Variants in CDH15 observed in about 807,000 individuals in gnomAD.
CDH15 encodes cadherin-15.
A neutral mutation model predicts 69.4 loss-of-function variants in CDH15; 73 were observed. The ratio of observed to expected loss-of-function variants is 1.05; its 90% CI spans 0.87 to 1.28. CDH15 has a LOEUF of 1.28. CDH15 is among the 50% of genes most tolerant of loss of function. CDH15 has a pLI of 0.00. For missense variants in CDH15, 1,343 were observed against 1,133.6 expected, an observed-to-expected ratio of 1.18 and a Z score of -2.65; for synonymous variants, 624 against 507.7, an observed-to-expected ratio of 1.23 and a Z score of -3.08.
chr16:89,174,565 C>G (rs1227342119), intron 1 of CDH15, among the ~76,000 whole-genome samples: 1 of 152,146 alleles, frequency 6.6e-6, no homozygotes, highest in Admixed American at 6.5e-5. Flanking sequence ...CACAGCAGCC[C>G]CTTGGGGTTG....
At chr16:89,173,543 A>T (rs1915200319) in intron 1 of CDH15, among the ~76,000 whole-genome samples, 1 of 152,066 alleles carries the variant, frequency 6.6e-6, no homozygotes, top group South Asian at 2.1e-4. Flanking sequence ...TGGCAAGGGG[A>T]CTATCGCCAA....
intron 13 of CDH15, 57 bp downstream of exon 13, chr16:89,193,970 ATGCACATGTACACACC>A: frequency 6.4e-7 from 1 of 1,560,682 alleles, no homozygotes; most frequent in Non-Finnish European, 8.8e-7. Flanking sequence ...GCACACACAC[ATGCACATGTACACACC>A]TGCACATGCA....
intron 11 of CDH15, 120 bp from the exon 12 acceptor site, chr16:89,193,350 A>ACCC: frequency 3.9e-6 from 2 of 513,416 alleles, no homozygotes. Context: ...CGCCCCCTCA[A>ACCC]CCCCACCCCT....
intron 3 of CDH15, among the ~76,000 whole-genome samples, chr16:89,180,600 G>A (rs1030568767): frequency 3.9e-5 from 6 of 152,252 alleles, no homozygotes; most frequent in South Asian, 4.1e-4. Context: ...CCGTGGAGGA[G>A]CGGCTTGGTT....
At chr16:89,180,420 C>T (rs1174480620) in intron 3 of CDH15, 65 bp downstream of exon 3, 8 of 1,547,360 alleles carry the variant, frequency 5.2e-6, no homozygotes, top group Non-Finnish European at 6.2e-6. Flanking sequence ...AGTGCCCCTC[C>T]TCCCCACCAG....
rs1008648787 is a variant in CDH15, at chr16:89,191,745, G to A, written c.1466G>A (p.Gly489Asp). The A allele has an allele frequency of 1.2e-6, 2 of 1,604,488 alleles. No individual in the cohort carries two copies. The highest frequency in any genetic ancestry group is 1.7e-6 in the Non-Finnish European group (2 of 1,179,272). The change falls in exon 10 of 14, where the codon GGC becomes GAC. Residue 489 changes from glycine to aspartate, a missense_variant. Gly to Asp is a moderately conservative substitution (Grantham distance 94). Transcript: ENST00000289746. ...HAPVLAPPPP[G>D]SLCSEPHQGP... ...CCTGTGCTGGCCCCGCCGCCGCCGG[G>A]CAGCCTGTGCAGCGAGCCACACCAA...
rs577868281 is a variant in CDH15, at chr16:89,179,323, C to T, written c.43-93C>T. Reference sequence around the variant, plus strand: ...GTGGGCTGAGGGAAACACTGCGCCCCGTGGCCTCCTCACCACCCACAGCTC... The same window carrying T: ...GTGGGCTGAGGGAAACACTGCGCCCTGTGGCCTCCTCACCACCCACAGCTC... On this transcript the variant is annotated intron_variant, in intron 1 of 13. Coordinates refer to ENST00000289746, the MANE Select transcript of CDH15 (RefSeq NM_004933.3). The T allele has an allele frequency of 1.3e-3, 1,931 of 1,452,998 alleles. 3 individuals carry two copies. The highest frequency in any genetic ancestry group is 1.7e-3 in the Non-Finnish European group (1,766 of 1,042,486). 90.0% of individuals were successfully genotyped at this position (1,452,998 alleles called of 1,614,324 possible). A position where few individuals can be genotyped will look rare whatever the true frequency, so the allele number is the denominator to read the frequency against.
intron 5 of CDH15, chr16:89,186,116 T>A (rs1433862384): frequency 7.6e-6 from 1 of 131,922 alleles, no homozygotes; most frequent in Non-Finnish European, 1.6e-5. Context: ...CTGTAAAGGC[T>A]TACCCAGCGC....
chr16:89,194,028 G>A (rs1915728671), intron 13 of CDH15, 115 bp downstream of exon 13: 2 of 1,203,978 alleles, frequency 1.7e-6, no homozygotes, highest in South Asian at 1.3e-5. Context: ...GCACTTATGG[G>A]CCGTCCCAGA....
intron 11 of CDH15, 117 bp from the exon 12 acceptor site, chr16:89,193,353 C>CCCCCCCAG: frequency 1.7e-6 from 1 of 571,806 alleles, no homozygotes; most frequent in Non-Finnish European, 2.9e-6. Context: ...CCCCTCAACC[C>CCCCCCCAG]CACCCCTGCT....
intron 1 of CDH15, among the ~76,000 whole-genome samples, chr16:89,178,218 C>A (rs1915298430): frequency 6.6e-6 from 1 of 152,140 alleles, no homozygotes; most frequent in South Asian, 2.1e-4. Context: ...TTGGGGGCAG[C>A]CACCTCCACT....
chr16:89,179,333 T>C, intron 1 of CDH15, 83 bp from the exon 2 acceptor site: 1 of 1,546,722 alleles, frequency 6.5e-7, no homozygotes, highest in Non-Finnish European at 8.9e-7. Flanking sequence ...CGTGGCCTCC[T>C]CACCACCCAC....
intron 13 of CDH15, among the ~76,000 whole-genome samples, 186 bp from the exon 14 acceptor site, chr16:89,194,676 C>A (rs926113317): frequency 6.6e-6 from 1 of 152,186 alleles, no homozygotes; most frequent in Admixed American, 6.5e-5. Context: ...CCGTGGCACC[C>A]TCTTCACAAC....
intron 1 of CDH15, among the ~76,000 whole-genome samples, chr16:89,173,474 C>G (rs1268099808): frequency 6.6e-6 from 1 of 152,146 alleles, no homozygotes; most frequent in African/African-American, 2.4e-5. Context: ...GGCTGGGGGA[C>G]AATAACCCCC....
rs191741836 is a variant in CDH15 at position 89,172,646 on chromosome 16, G to T, written c.42+773G>T. ...GCAAGCCAGAGTGGAAGGAAGCCCA[G>T]GCCTCAGCCCCCCACACCCGACATG... is the stretch of plus-strand genomic sequence containing the variant. On this transcript the variant is annotated intron_variant, in intron 1 of 13. Coordinates refer to ENST00000289746, the MANE Select transcript of CDH15 (RefSeq NM_004933.3). Among the ~76,000 whole-genome samples the T allele has an allele frequency of 4.8e-3, 736 of 152,268 alleles. 7 individuals are homozygous for T. The highest frequency in any genetic ancestry group is 0.017 in the African/African-American group (688 of 41,562).
intron 10 of CDH15, 56 bp from the exon 11 acceptor site, chr16:89,192,149 A>T: frequency 6.8e-7 from 1 of 1,479,138 alleles, no homozygotes; most frequent in Non-Finnish European, 8.9e-7. Flanking sequence ...CGAGGAGGGC[A>T]GGCGAAGTGG....
At chr16:89,186,242 GC>G (rs1915483717) in intron 5 of CDH15, 1 of 80,318 alleles carries the variant, frequency 1.2e-5, no homozygotes, top group Non-Finnish European at 2.6e-5. Context: ...CTCTGTAAAC[GC>G]TCACCCAGTG....
chr16:89,191,269 G>T, intron 8 of CDH15, 61 bp from the exon 9 acceptor site: 1 of 1,606,260 alleles, frequency 6.2e-7, no homozygotes, highest in South Asian at 1.1e-5. Context: ...ACCCATACCT[G>T]ACCACACCTG....
rs772842256 is a variant in CDH15 at position 89,192,416 on chromosome 16, C to G, written c.1827C>G (p.Ile609Met). 1.7e-5 allele frequency: 26 copies of G among 1,548,020 alleles called. 2 individuals carry two copies. The Middle Eastern group carries it at 3.1e-3, about 183-fold the overall frequency. ...GTGLSLGALV[I>M]VLASALLLLV... ...GCCTCAGCCTGGGCGCACTGGTCAT[C>G]GTGCTGGCCAGCGCCCTCCTGCTGC... Residue 609 changes from isoleucine (I) to methionine (M), a missense_variant, in exon 11 of 14, where the codon ATC (isoleucine) becomes ATG (methionine). Transcript: ENST00000289746.
Sources: gnomAD v4.1 joint callset for allele counts (sites outside exome capture counted in the v4.1 genomes callset) on GRCh38, gnomAD v4.1.1 for gene constraint, MANE v1.5 for transcripts, NCBI Gene and HGNC (gene_info 2026-07-23, HGNC 2026-07-21) for gene names.